Variants in CHST11 observed in about 807,000 individuals in gnomAD.
The protein encoded by CHST11 is C4S-1.
CHST11 carries 9 observed loss-of-function variants against 30.4 expected under a neutral mutation model. The ratio of observed to expected loss-of-function variants is 0.30; its 90% CI spans 0.18 to 0.52. CHST11 has a LOEUF of 0.52. CHST11 is among the 20% of genes least tolerant of loss of function. The probability of loss-of-function intolerance (pLI) is 0.97; values close to 1 mark genes in which losing one functional copy is unlikely to be tolerated. For missense variants in CHST11, 348 were observed against 460.6 expected (o/e 0.76, Z 2.24); for synonymous variants, 152 against 187.8 (o/e 0.81, Z 1.56).
chr12:104,547,357 C>T lies in CHST11; in HGVS notation c.119-54549C>T, dbSNP rs192969793. Among the ~76,000 whole-genome samples, 435 of 152,260 alleles carry T rather than the reference C, an allele frequency of 2.9e-3. 2 individuals carry two copies. Among genetic ancestry groups the T allele is most frequent in the Non-Finnish European group, 4.7e-3 (319 of 68,020 alleles). On this transcript the variant is annotated intron_variant, in intron 1 of 2. Coordinates refer to ENST00000303694, the MANE Select transcript of CHST11 (RefSeq NM_018413.6). ...AAGGAGCCAAACACAGGCCTGCTGGCGCCAGGAGCCGCAAGATTTTCCGTT... is the reference window on the plus strand; with the variant it reads ...AAGGAGCCAAACACAGGCCTGCTGGTGCCAGGAGCCGCAAGATTTTCCGTT...
chr12:104,720,732 A>G (rs200330983), intron 2 of CHST11, among the ~76,000 whole-genome samples: 60 of 56,186 alleles, frequency 1.1e-3, no homozygotes, highest in Middle Eastern at 0.01. Flanking sequence ...TAAAAAGGGG[A>G]AAAAAAAAAT....
chr12:104,726,045 G>A (rs759050576), intron 2 of CHST11, among the ~76,000 whole-genome samples: 8 of 152,170 alleles, frequency 5.3e-5, no homozygotes, highest in Non-Finnish European at 1.0e-4. Flanking sequence ...AGCAGGATTG[G>A]CAAGAACAAG....
intron 2 of CHST11, among the ~76,000 whole-genome samples, chr12:104,610,369 T>G (rs1279358730): frequency 6.6e-6 from 1 of 152,206 alleles, no homozygotes; most frequent in Non-Finnish European, 1.5e-5. Context: ...AAGCCTAATT[T>G]GATCCAATAT....
chr12:104,499,475 A>G (rs1172138737), intron 1 of CHST11, among the ~76,000 whole-genome samples: 14 of 152,248 alleles, frequency 9.2e-5, no homozygotes, highest in African/African-American at 3.4e-4. Context: ...TGGGCCATTA[A>G]CTTTATGTAG....
chr12:104,620,146 G>C (rs1010419367), intron 2 of CHST11, among the ~76,000 whole-genome samples: 1 of 152,096 alleles, frequency 6.6e-6, no homozygotes, highest in African/African-American at 2.4e-5. Context: ...GTCCCCTAAA[G>C]GTATTTTGTC....
intron 2 of CHST11, among the ~76,000 whole-genome samples, chr12:104,741,402 C>G (rs2040345808): frequency 1.3e-5 from 2 of 152,312 alleles, no homozygotes; most frequent in African/African-American, 4.8e-5. Flanking sequence ...ACGAAAGGCC[C>G]AGAGCATGGC....
At chr12:104,551,013 T>C (rs1003353339) in intron 1 of CHST11, among the ~76,000 whole-genome samples, 7 of 152,168 alleles carry the variant, frequency 4.6e-5, no homozygotes, top group African/African-American at 1.7e-4. Context: ...AGGTGAGTGC[T>C]GATGGTCCGT....
At chr12:104,513,858 G>A (rs967452714) in intron 1 of CHST11, among the ~76,000 whole-genome samples, 1 of 152,198 alleles carries the variant, frequency 6.6e-6, no homozygotes, top group African/African-American at 2.4e-5. Flanking sequence ...TGGCAGTGGC[G>A]TCAGAAGGCC....
At chr12:104,671,678 A>G (rs140902853) in intron 2 of CHST11, among the ~76,000 whole-genome samples, 88 of 152,330 alleles carry the variant, frequency 5.8e-4, no homozygotes, top group African/African-American at 2.0e-3. Context: ...TCCTTTACTT[A>G]CAGAAAGTCC....
intron 1 of CHST11, among the ~76,000 whole-genome samples, chr12:104,560,503 G>A (rs2038502888): frequency 6.6e-6 from 1 of 152,130 alleles, no homozygotes; most frequent in African/African-American, 2.4e-5. Context: ...ATCAGCACCG[G>A]GAAGCATCTT....
At chr12:104,595,281 C>T (rs2038897786) in intron 1 of CHST11, among the ~76,000 whole-genome samples, 1 of 152,160 alleles carries the variant, frequency 6.6e-6, no homozygotes, top group Non-Finnish European at 1.5e-5. Flanking sequence ...AACCTCACCA[C>T]CAGGGGTTTT....
chr12:104,523,108 C>T (rs1175954618), intron 1 of CHST11, among the ~76,000 whole-genome samples: 2 of 152,204 alleles, frequency 1.3e-5, no homozygotes, highest in Admixed American at 6.5e-5. Context: ...CTAAAGACAA[C>T]CAGATTATAT....
chr12:104,522,851 A>G (rs1157760279), intron 1 of CHST11, among the ~76,000 whole-genome samples: 1 of 152,168 alleles, frequency 6.6e-6, no homozygotes, highest in African/African-American at 2.4e-5. Context: ...GGACCTCTGT[A>G]GGATGGGTTT....
chr12:104,680,831 C>A (rs566087268), intron 2 of CHST11, among the ~76,000 whole-genome samples: 2 of 152,220 alleles, frequency 1.3e-5, no homozygotes, highest in African/African-American at 4.8e-5. Flanking sequence ...GCCCCGCCCC[C>A]CTGTTCCTGC....
At chr12:104,756,478 C>A (rs1276570693) in intron 2 of CHST11, among the ~76,000 whole-genome samples, 1 of 151,768 alleles carries the variant, frequency 6.6e-6, no homozygotes, top group East Asian at 1.9e-4. Flanking sequence ...GGTTATGTCT[C>A]TTTGCAGTGC....
At chr12:104,644,205 T>G (rs2039405242) in intron 2 of CHST11, among the ~76,000 whole-genome samples, 2 of 152,102 alleles carry the variant, frequency 1.3e-5, no homozygotes, top group South Asian at 4.1e-4. Context: ...AGCGTGCACC[T>G]CCTGGATATC....
At chr12:104,611,853 A>T (rs2039062592) in intron 2 of CHST11, among the ~76,000 whole-genome samples, 1 of 152,222 alleles carries the variant, frequency 6.6e-6, no homozygotes, top group South Asian at 2.1e-4. Context: ...ATTTCATAAG[A>T]CGTTATGTGA....
At chr12:104,492,856 A>G (rs1288500406) in intron 1 of CHST11, among the ~76,000 whole-genome samples, 1 of 152,082 alleles carries the variant, frequency 6.6e-6, no homozygotes, top group African/African-American at 2.4e-5. Flanking sequence ...ACATGGTGAA[A>G]CCCCGTCTCT....
At chr12:104,739,172 C>T (rs954773718) in intron 2 of CHST11, among the ~76,000 whole-genome samples, 2 of 152,354 alleles carry the variant, frequency 1.3e-5, no homozygotes, top group African/African-American at 4.8e-5. Flanking sequence ...TGAGCGTTCT[C>T]TCCCTCTCCA....
Sources: gnomAD v4.1 joint callset for allele counts (sites outside exome capture counted in the v4.1 genomes callset) on GRCh38, gnomAD v4.1.1 for gene constraint, MANE v1.5 for transcripts, NCBI Gene and HGNC (gene_info 2026-07-23, HGNC 2026-07-21) for gene names.